The following CYB5R4 variants were observed in gnomAD, a reference collection of about 807,000 sequenced individuals.
The protein encoded by CYB5R4 is cytochrome b5 reductase 4, also known as N-terminal cytochrome b5 and cytochrome b5 oxidoreductase domain-containing protein.
Under a neutral mutation model 70.2 loss-of-function variants are expected in CYB5R4, and 55 were observed. The observed-to-expected ratio is 0.78, with a 90% CI of 0.63 to 0.98. CYB5R4 has a LOEUF of 0.98. CYB5R4 is among the 50% of genes least tolerant of loss of function. CYB5R4 has a pLI of 0.00. For missense variants in CYB5R4, 562 were observed against 612.6 expected (o/e 0.92, Z 0.87); for synonymous variants, 197 against 199.5 (o/e 0.99, Z 0.11).
At chr6:83,895,745 G>T (rs1437362828) in intron 3 of CYB5R4, among the ~76,000 whole-genome samples, 1 of 152,104 alleles carries the variant, frequency 6.6e-6, no homozygotes, top group African/African-American at 2.4e-5. Context: ...TTACTAGATT[G>T]CTAGATTCAG....
At chr6:83,875,877 A>G (rs1164884180) in intron 2 of CYB5R4, among the ~76,000 whole-genome samples, 1 of 152,196 alleles carries the variant, frequency 6.6e-6, no homozygotes. Context: ...AGTGGATACT[A>G]TTAATTTGTT....
chr6:83,873,995 A>G (rs756117821), intron 2 of CYB5R4, among the ~76,000 whole-genome samples: 4 of 152,186 alleles, frequency 2.6e-5, no homozygotes, highest in Non-Finnish European at 5.9e-5. Flanking sequence ...AATTATGTAC[A>G]TGGGCAGGTG....
At chr6:83,899,698 G>T (rs956541652) in intron 3 of CYB5R4, among the ~76,000 whole-genome samples, 1 of 152,116 alleles carries the variant, frequency 6.6e-6, no homozygotes, top group Non-Finnish European at 1.5e-5. Context: ...TCTTGGGAGG[G>T]TGTATGTGTC....
rs765670750 is a variant in CYB5R4 at position 83,940,224 on chromosome 6, TA to T, written c.1259+20del. On this transcript the variant is annotated intron_variant, in intron 13 of 15. Coordinates refer to ENST00000369681, the MANE Select transcript of CYB5R4 (RefSeq NM_016230.4). The stretch of plus-strand genomic sequence containing the variant: ...AGTCTCAGGTATGTAATTTTGTCTC[TA>T]ATTACGATCCTTTTTGAGGCTGTTA... 10 of 1,586,864 alleles carry T rather than the reference TA, an allele frequency of 6.3e-6. No individual in the cohort carries two copies. The Admixed American group carries it at 1.8e-4, about 29-fold the overall frequency.
chr6:83,865,385 A>C (rs774943924), intron 2 of CYB5R4, among the ~76,000 whole-genome samples: 39 of 152,308 alleles, frequency 2.6e-4, no homozygotes, highest in Middle Eastern at 3.4e-3. Flanking sequence ...CATAGTTTTG[A>C]TGGCTAGAAG....
chr6:83,907,792 T>G (rs867575215), intron 3 of CYB5R4, among the ~76,000 whole-genome samples: 1 of 152,210 alleles, frequency 6.6e-6, no homozygotes, highest in Non-Finnish European at 1.5e-5. Flanking sequence ...TCCATGTTCC[T>G]GCAAAAGATA....
At chr6:83,914,801 C>A (rs2099465231) in intron 5 of CYB5R4, among the ~76,000 whole-genome samples, 1 of 150,872 alleles carries the variant, frequency 6.6e-6, no homozygotes, top group African/African-American at 2.4e-5. Context: ...TCCCAGAGTG[C>A]CGGGATTACG....
chr6:83,893,457 A>G, intron 2 of CYB5R4, 65 bp from the exon 3 acceptor site: 1 of 914,022 alleles, frequency 1.1e-6, no homozygotes, highest in Non-Finnish European at 1.7e-6. Flanking sequence ...TGAAACTTAT[A>G]TTTATAAGTT....
intron 1 of CYB5R4, 55 bp downstream of exon 1, chr6:83,859,912 T>G (rs1461542505): frequency 6.6e-7 from 1 of 1,509,650 alleles, no homozygotes. Flanking sequence ...GCTCTGGCAG[T>G]GTGTTCTCTT....
At chr6:83,912,087 CT>C (rs1443925983) in intron 4 of CYB5R4, among the ~76,000 whole-genome samples, 1 of 143,316 alleles carries the variant, frequency 7.0e-6, no homozygotes, top group Non-Finnish European at 1.5e-5. Context: ...AGCCTATTGA[CT>C]TTATTTTTAA....
At chr6:83,902,545 A>G (rs2099463145) in intron 3 of CYB5R4, among the ~76,000 whole-genome samples, 1 of 151,972 alleles carries the variant, frequency 6.6e-6, no homozygotes, top group South Asian at 2.1e-4. Flanking sequence ...TGTTTTTTCT[A>G]TTTCTGTGAA....
chr6:83,891,342 C>A (rs1437396077), intron 2 of CYB5R4, among the ~76,000 whole-genome samples: 2 of 152,184 alleles, frequency 1.3e-5, no homozygotes, highest in Admixed American at 1.3e-4. Context: ...CCTGCAATAT[C>A]TCTGAGGTAC....
intron 15 of CYB5R4, 25 bp from the exon 16 acceptor site, chr6:83,959,799 C>T (rs1271778107): frequency 1.3e-6 from 2 of 1,582,750 alleles, no homozygotes; most frequent in Middle Eastern, 1.7e-4. Flanking sequence ...CCCTAAGAAA[C>T]ATGTGCTTTT....
chr6:83,885,602 A>G (rs2099460124), intron 2 of CYB5R4, among the ~76,000 whole-genome samples: 1 of 152,190 alleles, frequency 6.6e-6, no homozygotes, highest in African/African-American at 2.4e-5. Context: ...TTAATCTTGC[A>G]TTGTACTACC....
At chr6:83,946,299 A>G (rs564658085) in intron 14 of CYB5R4, among the ~76,000 whole-genome samples, 2 of 152,362 alleles carry the variant, frequency 1.3e-5, no homozygotes, top group African/African-American at 2.4e-5. Context: ...ATTGCATCAC[A>G]TAAACAGAAC....
intron 14 of CYB5R4, among the ~76,000 whole-genome samples, chr6:83,944,798 A>G (rs1588584951): frequency 6.6e-6 from 1 of 152,300 alleles, no homozygotes; most frequent in Admixed American, 6.5e-5. Flanking sequence ...CTAGTTTCCG[A>G]TAAAACAGAC....
intron 3 of CYB5R4, among the ~76,000 whole-genome samples, chr6:83,906,600 CCAG>C (rs1310771107): frequency 6.6e-6 from 1 of 152,126 alleles, no homozygotes; most frequent in African/African-American, 2.4e-5. Flanking sequence ...CCAGCTGATC[CCAG>C]CCCTGTAGGC....
intron 4 of CYB5R4, among the ~76,000 whole-genome samples, chr6:83,911,491 A>G (rs573267353): frequency 1.3e-5 from 2 of 152,254 alleles, no homozygotes; most frequent in South Asian, 4.1e-4. Context: ...CATAATACCA[A>G]CCTTTTGGAA....
At position 83,864,276 on chromosome 6, in the gene CYB5R4, A is replaced by G. The variant is rs1554413861; in HGVS notation, c.177A>G (p.Glu59=). The G allele has an allele frequency of 3.1e-6, 5 of 1,613,488 alleles. No homozygotes were observed. Among genetic ancestry groups the G allele is most frequent in the South Asian group, 2.2e-5 (2 of 90,988 alleles). The stretch of plus-strand genomic sequence containing the variant: ...AAGGCAGGTTAATTGAAGTAACTGA[A>G]GAAGAACTTAAGAAACACAACAAAA... ...GLKGRLIEVT[E]EELKKHNKKD... The change falls in exon 2 of 16, where the codon GAA becomes GAG. Residue 59 remains glutamate (E), a synonymous_variant. Coordinates refer to ENST00000369681, the MANE Select transcript of CYB5R4 (RefSeq NM_016230.4).
Sources: allele counts gnomAD v4.1 joint callset (sites outside exome capture counted in the v4.1 genomes callset), GRCh38; gene constraint gnomAD v4.1.1; transcripts MANE v1.5; gene names NCBI Gene and HGNC (gene_info 2026-07-23, HGNC 2026-07-21).